Variants in TMTC3 observed in about 807,000 individuals in gnomAD.
TMTC3 encodes the protein transmembrane O-mannosyltransferase targeting cadherins 3.
TMTC3 carries 52 observed loss-of-function variants against 92.2 expected under a neutral mutation model. That is an observed-to-expected ratio of 0.56 (90% CI 0.45 to 0.71). The LOEUF (loss-of-function observed/expected upper bound fraction) is 0.71. Ranked by LOEUF, TMTC3 falls within the 30% of genes least tolerant of loss-of-function variation. TMTC3 has a pLI of 0.00. For synonymous variants in TMTC3, 339 were observed against 363.3 expected (o/e 0.93, Z 0.76); for missense variants, 896 against 1,057.1 (o/e 0.85, Z 2.11).
At chr12:88,167,641 A>G (rs943512577) in intron 7 of TMTC3, among the ~76,000 whole-genome samples, 2 of 152,086 alleles carry the variant, frequency 1.3e-5, no homozygotes, top group Non-Finnish European at 2.9e-5. Context: ...GAACTTACAC[A>G]GTTCACGTTT....
At chr12:88,190,304 G>A (rs749199866) in intron 11 of TMTC3, 149 bp from the exon 12 acceptor site, 1 of 581,418 alleles carries the variant, frequency 1.7e-6, no homozygotes, top group Non-Finnish European at 2.8e-6. Flanking sequence ...CTTAGGTTTA[G>A]TCAAAACAGG....
chr12:88,174,325 A>G lies in TMTC3; in HGVS notation c.1200-282A>G, dbSNP rs186577719. Among the ~76,000 whole-genome samples the G allele has an allele frequency of 2.6e-5, 4 of 152,212 alleles. No homozygotes were observed. In the East Asian group the frequency reaches 5.8e-4, roughly 22 times the overall value. On this transcript the variant is annotated intron_variant, in intron 8 of 13. Transcript: ENST00000266712. ...GTAAGTGTAAAAAGTCACGTTTAAAAATTGGTTTTTTCCATTTTTTATCAT... is the reference window on the plus strand; with the variant it reads ...GTAAGTGTAAAAAGTCACGTTTAAAGATTGGTTTTTTCCATTTTTTATCAT...
At chr12:88,171,776 C>G (rs1002586211) in intron 7 of TMTC3, among the ~76,000 whole-genome samples, 9 of 152,046 alleles carry the variant, frequency 5.9e-5, no homozygotes, top group Non-Finnish European at 1.0e-4. Context: ...TTTTGAGAAG[C>G]CTTCCTACTG....
At chr12:88,172,855 G>C in intron 8 of TMTC3, 110 bp downstream of exon 8, 1 of 1,479,810 alleles carries the variant, frequency 6.8e-7, no homozygotes, top group Non-Finnish European at 9.0e-7. Context: ...GTATCTTTTG[G>C]TTTTTCATCT....
At position 88,162,595 on chromosome 12, in the gene TMTC3, C is replaced by T. The variant is rs1157381274; in HGVS notation, c.797+1744C>T. Among the ~76,000 whole-genome samples, 27 of 151,992 alleles carry T rather than the reference C, an allele frequency of 1.8e-4. 1 individual carries two copies. The highest frequency in any genetic ancestry group is 1.8e-3 in the Admixed American group (27 of 15,268). ...TTAATTTCATCTAGTTGTTTCTTAC[C>T]TCTGAATCTGTTTTCATCTTCAGAA... On this transcript the variant is annotated intron_variant, in intron 6 of 13. Transcript: ENST00000266712.
At chr12:88,189,033 T>TC in intron 11 of TMTC3, 87 bp downstream of exon 11, 1 of 739,040 alleles carries the variant, frequency 1.4e-6, no homozygotes, top group Non-Finnish European at 2.3e-6. Flanking sequence ...CTTTATCTTT[T>TC]CTTCAGTTAG....
intron 2 of TMTC3, among the ~76,000 whole-genome samples, chr12:88,151,386 T>A (rs1362917889): frequency 2.0e-5 from 3 of 152,228 alleles, no homozygotes; most frequent in African/African-American, 4.8e-5. Flanking sequence ...TTCATTACAC[T>A]GTTGTGTATT....
intron 10 of TMTC3, among the ~76,000 whole-genome samples, chr12:88,178,255 A>G (rs1021880821): frequency 3.3e-5 from 5 of 152,210 alleles, no homozygotes; most frequent in Non-Finnish European, 5.9e-5. Context: ...AATATAACTG[A>G]TGGTCTAGCC....
chr12:88,143,212 A>G (rs1482585954), intron 1 of TMTC3, among the ~76,000 whole-genome samples: 1 of 151,990 alleles, frequency 6.6e-6, no homozygotes, highest in East Asian at 1.9e-4. Context: ...CTTGACAGTA[A>G]ATTTTCCTTT....
chr12:88,183,188 T>C (rs1211974301), intron 10 of TMTC3, among the ~76,000 whole-genome samples: 3 of 152,156 alleles, frequency 2.0e-5, no homozygotes, highest in African/African-American at 7.2e-5. Context: ...AGGCTACTGT[T>C]CTACCCAAAT....
intron 8 of TMTC3, 102 bp from the exon 9 acceptor site, chr12:88,174,504 AT>A: frequency 1.5e-6 from 2 of 1,299,740 alleles, no homozygotes; most frequent in Non-Finnish European, 2.1e-6. Context: ...AACATATGAT[AT>A]TTTAGGAGCA....
At chr12:88,163,726 C>T (rs963335799) in intron 6 of TMTC3, among the ~76,000 whole-genome samples, 2 of 152,112 alleles carry the variant, frequency 1.3e-5, no homozygotes, top group African/African-American at 4.8e-5. Context: ...GGACCCCAGT[C>T]GTTGGATTTA....
chr12:88,159,139 G>C (rs1565945942), intron 4 of TMTC3, among the ~76,000 whole-genome samples: 1 of 148,196 alleles, frequency 6.7e-6, no homozygotes, highest in Non-Finnish European at 1.5e-5. Flanking sequence ...AACTAGAAAA[G>C]AATTAGAGAT....
intron 10 of TMTC3, among the ~76,000 whole-genome samples, chr12:88,181,991 C>T (rs1022562955): frequency 6.6e-6 from 1 of 152,182 alleles, no homozygotes; most frequent in Non-Finnish European, 1.5e-5. Flanking sequence ...GCATGGCCTG[C>T]ATAATTAGAG....
At chr12:88,145,476 T>C (rs2040861492) in intron 1 of TMTC3, among the ~76,000 whole-genome samples, 1 of 152,204 alleles carries the variant, frequency 6.6e-6, no homozygotes, top group Admixed American at 6.5e-5. Context: ...AAAAAGTGTC[T>C]AAGACGGGTC....
At position 88,198,325 on chromosome 12, in the gene TMTC3, T is replaced by TATCA; in HGVS notation, c.*2677_*2680dup. On this transcript the variant is annotated 3_prime_UTR_variant, in exon 14 of 14. Coordinates refer to ENST00000266712, the MANE Select transcript of TMTC3 (RefSeq NM_181783.4). Reference sequence around the variant, plus strand: ...ATATGGAAGTTTGGAAAAGAGAGCTTATCACAGGTTTGTATGCTGGTGAAT... The same window carrying TATCA: ...ATATGGAAGTTTGGAAAAGAGAGCTTATCAATCACAGGTTTGTATGCTGGTGAAT... 2.5e-6 allele frequency: 1 copy of TATCA among 398,028 alleles called. No homozygotes were observed. Among genetic ancestry groups the TATCA allele is most frequent in the Admixed American group, 4.4e-5 (1 of 22,698 alleles). The allele number at this position is 398,028 out of a possible 1,614,324, so 24.7% of individuals were successfully genotyped here.
Position 88,185,399 on chromosome 12 carries a change from G to A in TMTC3, c.1433-3444G>A, listed in dbSNP as rs1320550760. On this transcript the variant is annotated intron_variant, in intron 10 of 13. Coordinates refer to ENST00000266712, the MANE Select transcript of TMTC3 (RefSeq NM_181783.4). ...AGTTATTTTGATACTCATTCATGTTGTTGTATGAATCAAAAACCCATACCT... is the reference window on the plus strand; with the variant it reads ...AGTTATTTTGATACTCATTCATGTTATTGTATGAATCAAAAACCCATACCT... Among the ~76,000 whole-genome samples, 5 of 145,622 alleles carry A rather than the reference G, an allele frequency of 3.4e-5. No individual in the cohort carries two copies. In the Admixed American group the frequency reaches 3.5e-4, roughly 10 times the overall value.
chr12:88,159,113 A>G (rs922537899), intron 4 of TMTC3, among the ~76,000 whole-genome samples: 2 of 151,792 alleles, frequency 1.3e-5, no homozygotes, highest in Non-Finnish European at 2.9e-5. Flanking sequence ...CAGTCATACT[A>G]CCAGATCTTT....
intron 4 of TMTC3, 122 bp from the exon 5 acceptor site, chr12:88,159,992 G>C (rs1032258853): frequency 1.8e-6 from 1 of 556,886 alleles, no homozygotes. Flanking sequence ...TTTAAAGTAT[G>C]TACTACTAAT....
Sources: gnomAD v4.1 joint callset for allele counts (sites outside exome capture counted in the v4.1 genomes callset) on GRCh38, gnomAD v4.1.1 for gene constraint, MANE v1.5 for transcripts, NCBI Gene and HGNC (gene_info 2026-07-23, HGNC 2026-07-21) for gene names.